The following FBXO4 variants were observed in gnomAD, a reference collection of about 807,000 sequenced individuals.
FBXO4 encodes the protein F-box only protein 4.
In FBXO4, 36 loss-of-function variants were observed where a neutral mutation model predicts 43.7. The observed-to-expected ratio is 0.82, with a 90% CI of 0.63 to 1.09. FBXO4 has a LOEUF of 1.09. Ranked by LOEUF, FBXO4 falls within the 50% of genes least tolerant of loss-of-function variation. The pLI is 0.00. For synonymous variants in FBXO4, 180 were observed against 165.6 expected, an observed-to-expected ratio of 1.09 and a Z score of -0.67; for missense variants, 435 against 474.1, an observed-to-expected ratio of 0.92 and a Z score of 0.77.
At chr5:41,960,928 G>A in the FBXO4 span, among the ~76,000 whole-genome samples, 3 of 151,854 alleles carry the variant, frequency 2.0e-5, no homozygotes, top group Admixed American at 2.0e-4. Flanking sequence ...CTTCATTGGG[G>A]TAGTTACTGA....
chr5:42,011,484 A>T, the FBXO4 span, among the ~76,000 whole-genome samples: 10 of 152,326 alleles, frequency 6.6e-5, no homozygotes, highest in South Asian at 6.2e-4. Flanking sequence ...TCTTTTCTTT[A>T]TAAAATACCC....
chr5:42,005,323 T>C, the FBXO4 span, among the ~76,000 whole-genome samples: 14 of 152,304 alleles, frequency 9.2e-5, no homozygotes, highest in Middle Eastern at 3.4e-3. Context: ...TTGTGATGGC[T>C]ATACGTGCAC....
At chr5:41,964,324 C>G in the FBXO4 span, among the ~76,000 whole-genome samples, 2 of 151,660 alleles carry the variant, frequency 1.3e-5, no homozygotes, top group African/African-American at 4.8e-5. Context: ...TTTTACTTTA[C>G]TTGAAAGTAT....
chr5:41,934,960 T>C, intron 5 of FBXO4: 1 of 976,006 alleles, frequency 1.0e-6, no homozygotes, highest in Non-Finnish European at 1.2e-6. Context: ...ATATTATAGT[T>C]CTCTAATACA....
chr5:41,980,642 G>A, the FBXO4 span, among the ~76,000 whole-genome samples: 9 of 151,712 alleles, frequency 5.9e-5, no homozygotes, highest in Admixed American at 1.3e-4. Flanking sequence ...AATAAATTAC[G>A]TTTTATGGGT....
At chr5:41,979,848 A>G in the FBXO4 span, among the ~76,000 whole-genome samples, 1 of 152,216 alleles carries the variant, frequency 6.6e-6, no homozygotes. Flanking sequence ...TAAAGACTTC[A>G]GGTACATTTA....
chr5:41,994,347 G>T, the FBXO4 span, among the ~76,000 whole-genome samples: 1 of 152,190 alleles, frequency 6.6e-6, no homozygotes, highest in Non-Finnish European at 1.5e-5. Context: ...AAAAGAAGGA[G>T]GAAATACTCA....
intron 3 of FBXO4, among the ~76,000 whole-genome samples, chr5:41,930,671 T>C (rs1751659422): frequency 2.1e-5 from 3 of 140,692 alleles, no homozygotes; most frequent in Admixed American, 1.4e-4. Flanking sequence ...TCTTTCTTTC[T>C]TTTTTTTTTT....
chr5:41,953,893 A>G, the FBXO4 span, among the ~76,000 whole-genome samples: 1 of 152,168 alleles, frequency 6.6e-6, no homozygotes, highest in Non-Finnish European at 1.5e-5. Flanking sequence ...GATTCTGGAT[A>G]TTAGCCCTTT....
the FBXO4 span, among the ~76,000 whole-genome samples, chr5:41,969,069 G>A: frequency 6.6e-6 from 1 of 152,110 alleles, no homozygotes; most frequent in Non-Finnish European, 1.5e-5. Context: ...TTTTGTCCCT[G>A]TCTTATTTTG....
At chr5:42,009,474 G>A in the FBXO4 span, among the ~76,000 whole-genome samples, 4 of 151,486 alleles carry the variant, frequency 2.6e-5, no homozygotes, top group Non-Finnish European at 5.9e-5. Context: ...TGTGGCTTTG[G>A]AAAACTTTTC....
chr5:41,965,321 GC>G, the FBXO4 span, among the ~76,000 whole-genome samples: 1 of 152,134 alleles, frequency 6.6e-6, no homozygotes, highest in African/African-American at 2.4e-5. Flanking sequence ...GTAGCATGAT[GC>G]CTCCAGCTTT....
At chr5:41,980,588 C>T in the FBXO4 span, among the ~76,000 whole-genome samples, 1 of 151,994 alleles carries the variant, frequency 6.6e-6, no homozygotes, top group African/African-American at 2.4e-5. Flanking sequence ...GATTCCAAAA[C>T]ATTCCTAAGT....
chr5:41,935,416 T>C (rs188874839), intron 5 of FBXO4, among the ~76,000 whole-genome samples: 86 of 152,328 alleles, frequency 5.6e-4, no homozygotes, highest in Admixed American at 4.6e-3. Context: ...CTGCTTTCTA[T>C]ATCCTTTTCT....
the FBXO4 span, among the ~76,000 whole-genome samples, chr5:42,016,437 G>A: frequency 1.2e-4 from 18 of 151,582 alleles, no homozygotes; most frequent in African/African-American, 3.9e-4. Context: ...TGCCACCATG[G>A]TAAGAGGCAT....
chr5:42,012,762 A>G, the FBXO4 span, among the ~76,000 whole-genome samples: 13 of 152,270 alleles, frequency 8.5e-5, no homozygotes, highest in East Asian at 2.5e-3. Flanking sequence ...TCTAGATCCA[A>G]ATGGCCTGCA....
chr5:41,948,861 C>G, the FBXO4 span, among the ~76,000 whole-genome samples: 781 of 152,204 alleles, frequency 5.1e-3, 8 homozygotes, highest in African/African-American at 0.018. Context: ...AAAGCTTATC[C>G]ACAACTATCA....
the FBXO4 span, among the ~76,000 whole-genome samples, chr5:42,007,052 C>A: frequency 6.7e-6 from 1 of 150,202 alleles, no homozygotes; most frequent in Non-Finnish European, 1.5e-5. Flanking sequence ...CTCCCTTCAC[C>A]CAAATTCTTA....
chr5:42,018,436 A>G, the FBXO4 span, among the ~76,000 whole-genome samples: 2 of 152,086 alleles, frequency 1.3e-5, no homozygotes, highest in Admixed American at 6.6e-5. Context: ...AGGGAATAAC[A>G]TGAAGAAATA....
Sources: gnomAD v4.1 joint callset for allele counts (sites outside exome capture counted in the v4.1 genomes callset) on GRCh38, gnomAD v4.1.1 for gene constraint, MANE v1.5 for transcripts, NCBI Gene and HGNC (gene_info 2026-07-23, HGNC 2026-07-21) for gene names.